The following ABHD2 variants were observed in gnomAD, a reference collection of about 807,000 sequenced individuals.
The protein encoded by ABHD2 is monoacylglycerol lipase ABHD2.
ABHD2 carries 20 observed loss-of-function variants against 48.1 expected under a neutral mutation model. That is an observed-to-expected ratio of 0.42 (90% CI 0.29 to 0.60). ABHD2 has a LOEUF of 0.60. Among genes scored for constraint, ABHD2 ranks in the 20% least tolerant of loss-of-function variants. ABHD2 has a pLI of 0.24. For missense variants in ABHD2, 405 were observed against 550.9 expected (o/e 0.74, Z 2.65); for synonymous variants, 209 against 214.2 (o/e 0.98, Z 0.21).
the ABHD2 span, among the ~76,000 whole-genome samples, chr15:89,067,168 A>G: frequency 1.1e-4 from 17 of 151,558 alleles, no homozygotes; most frequent in African/African-American, 3.9e-4. Flanking sequence ...CAGGGGGCCA[A>G]TGCTAGTATG....
At chr15:89,069,674 C>CTTTTTTTTTTTTTTTTTTTTTTTTT in the ABHD2 span, among the ~76,000 whole-genome samples, 19 of 52,900 alleles carry the variant, frequency 3.6e-4, 4 homozygotes, top group African/African-American at 5.2e-4. Flanking sequence ...TTCATTTACT[C>CTTTTTTTTTTTTTTTTTTTTTTTTT]TTTTTTTTTT....
At chr15:89,049,144 G>A in the ABHD2 span, among the ~76,000 whole-genome samples, 2,680 of 152,104 alleles carry the variant, frequency 0.018, 61 homozygotes, top group African/African-American at 0.058. Context: ...GTACCCGGCC[G>A]GCCGTGTGAG....
chr15:89,053,105 T>TAGGGC, the ABHD2 span, among the ~76,000 whole-genome samples: 1 of 151,986 alleles, frequency 6.6e-6, no homozygotes, highest in Admixed American at 6.6e-5. Context: ...TAGCTGGGAC[T>TAGGGC]ACAGGCACGT....
the ABHD2 span, among the ~76,000 whole-genome samples, chr15:89,081,467 A>G: frequency 1.3e-5 from 2 of 152,202 alleles, no homozygotes; most frequent in Non-Finnish European, 2.9e-5. Flanking sequence ...TACAAATCAA[A>G]TGTAACTTAA....
chr15:89,129,166 G>GC (rs1473353525), intron 3 of ABHD2, among the ~76,000 whole-genome samples: 1 of 152,096 alleles, frequency 6.6e-6, no homozygotes, highest in Non-Finnish European at 1.5e-5. Context: ...CTCAAGACCA[G>GC]ATGTGTAGAT....
chr15:89,160,650 A>G (rs2050748433), intron 5 of ABHD2, among the ~76,000 whole-genome samples: 1 of 152,168 alleles, frequency 6.6e-6, no homozygotes. Context: ...CTATCCATCC[A>G]TTATGGCTTA....
At chr15:89,058,214 C>A in the ABHD2 span, among the ~76,000 whole-genome samples, 1 of 152,116 alleles carries the variant, frequency 6.6e-6, no homozygotes, top group Admixed American at 6.6e-5. Context: ...ACTTCTGGCC[C>A]CAGGTCCACC....
At chr15:89,093,530 T>C (rs1186701833) in intron 1 of ABHD2, 2 of 152,408 alleles carry the variant, frequency 1.3e-5, no homozygotes, top group African/African-American at 4.8e-5. Context: ...ATCACTCCAT[T>C]TGTCCTGCCT....
chr15:89,125,089 CAA>C (rs71723586), intron 3 of ABHD2, among the ~76,000 whole-genome samples: 2 of 136,156 alleles, frequency 1.5e-5, no homozygotes, highest in Non-Finnish European at 1.6e-5. Context: ...GACTTTGTCT[CAA>C]AAAAAAAAAA....
chr15:89,056,907 C>CTTTT, the ABHD2 span, among the ~76,000 whole-genome samples: 1 of 119,098 alleles, frequency 8.4e-6, no homozygotes, highest in Non-Finnish European at 1.8e-5. Flanking sequence ...ATAAGTGATA[C>CTTTT]CTTTTTTTTT....
At chr15:89,044,666 A>AT in the ABHD2 span, among the ~76,000 whole-genome samples, 11 of 151,516 alleles carry the variant, frequency 7.3e-5, no homozygotes, top group East Asian at 1.7e-3. Flanking sequence ...GATGGTGAGC[A>AT]TTTTTTCATG....
chr15:89,081,457 T>A, the ABHD2 span, among the ~76,000 whole-genome samples: 1 of 152,174 alleles, frequency 6.6e-6, no homozygotes, highest in Non-Finnish European at 1.5e-5. Flanking sequence ...AACCCTGGCA[T>A]ACAAATCAAA....
intron 3 of ABHD2, among the ~76,000 whole-genome samples, chr15:89,130,259 T>A (rs979357469): frequency 6.6e-6 from 1 of 152,212 alleles, no homozygotes; most frequent in Non-Finnish European, 1.5e-5. Context: ...TGCTACGTGT[T>A]TATTTCAATG....
the ABHD2 span, among the ~76,000 whole-genome samples, chr15:89,046,380 C>T: frequency 8.0e-4 from 121 of 151,808 alleles, no homozygotes; most frequent in African/African-American, 2.8e-3. Flanking sequence ...TGTCTCTGCC[C>T]GGCTTTGGTA....
intron 3 of ABHD2, among the ~76,000 whole-genome samples, chr15:89,129,872 T>C (rs2050192549): frequency 6.6e-6 from 1 of 152,046 alleles, no homozygotes; most frequent in Non-Finnish European, 1.5e-5. Flanking sequence ...ATAGCTGCTA[T>C]TATTGTAGCT....
rs1197516079 is a variant in ABHD2 at position 89,101,429 on chromosome 15, T to C, written c.-106-12296T>C. Among the ~76,000 whole-genome samples the C allele has an allele frequency of 2.6e-5, 4 of 152,294 alleles. No individual in the cohort carries two copies. In the East Asian group the frequency reaches 7.7e-4, roughly 29 times the overall value. ...TGTACAGTGGCGTGGCAATTACTCA[T>C]AAAGGCCTGTACCTCTCCGCCCAAT... On this transcript the variant is annotated intron_variant, in intron 1 of 10. Transcript: ENST00000352732.
the ABHD2 span, among the ~76,000 whole-genome samples, chr15:89,052,673 C>T: frequency 6.6e-6 from 1 of 151,970 alleles, no homozygotes; most frequent in African/African-American, 2.4e-5. Flanking sequence ...TGCCTGCAAA[C>T]CACAAGCAGG....
intron 3 of ABHD2, among the ~76,000 whole-genome samples, chr15:89,126,933 T>G (rs975466586): frequency 4.6e-5 from 7 of 152,198 alleles, no homozygotes; most frequent in African/African-American, 1.7e-4. Context: ...TTTCCTGAGT[T>G]TATAAGGAAA....
At chr15:89,111,193 C>A (rs1440564939) in intron 1 of ABHD2, among the ~76,000 whole-genome samples, 1 of 152,034 alleles carries the variant, frequency 6.6e-6, no homozygotes, top group Non-Finnish European at 1.5e-5. Context: ...CTTAGATTTT[C>A]TTAGTTGCTA....
Sources: gnomAD v4.1 joint callset for allele counts (sites outside exome capture counted in the v4.1 genomes callset) on GRCh38, gnomAD v4.1.1 for gene constraint, MANE v1.5 for transcripts, NCBI Gene and HGNC (gene_info 2026-07-23, HGNC 2026-07-21) for gene names.